Variants in BCL2 observed in about 807,000 individuals in gnomAD.
BCL2 encodes apoptosis regulator Bcl-2.
Under a neutral mutation model 14.2 loss-of-function variants are expected in BCL2, and 1 was observed. The observed-to-expected ratio is 0.07, with a 90% confidence interval of 0.02 to 0.33. BCL2 has a LOEUF of 0.33. Ranked by LOEUF, BCL2 falls within the 10% of genes least tolerant of loss-of-function variation. The pLI, the probability that BCL2 is intolerant of heterozygous loss-of-function variation, is 0.99. For synonymous variants in BCL2, 151 were observed against 137.2 expected, an observed-to-expected ratio of 1.10 and a Z score of -0.70; for missense variants, 247 against 305.9, an observed-to-expected ratio of 0.81 and a Z score of 1.44.
At chr18:63,193,159 C>A (rs923674148) in intron 2 of BCL2, among the ~76,000 whole-genome samples, 2 of 152,144 alleles carry the variant, frequency 1.3e-5, no homozygotes, top group African/African-American at 2.4e-5. Flanking sequence ...ATGGAAGATG[C>A]CTGTTATGAA....
chr18:63,205,682 G>T (rs1174189667), intron 2 of BCL2, among the ~76,000 whole-genome samples: 1 of 152,144 alleles, frequency 6.6e-6, no homozygotes, highest in Non-Finnish European at 1.5e-5. Context: ...CATTTGACTA[G>T]AGGGGGTCTA....
rs1915131587 is a variant in BCL2 at position 63,169,280 on chromosome 18, CT to C, written c.586-40522del. On this transcript the variant is annotated intron_variant, in intron 2 of 2. Coordinates refer to ENST00000333681, the MANE Select transcript of BCL2 (RefSeq NM_000633.3). ...TCTTTCTTTCTTTCTTTCTTTCTTTCTTTCTTTCTTTCTTTCTTTCTTTCTT... is the reference window on the plus strand; with the variant it reads ...TCTTTCTTTCTTTCTTTCTTTCTTTCTTCTTTCTTTCTTTCTTTCTTTCTT... 1.6e-4 allele frequency among the ~76,000 whole-genome samples: 10 copies of C among 62,384 alleles called. No homozygotes were observed. In the South Asian group the frequency reaches 2.3e-3, roughly 14 times the overall value. 40.9% of individuals were successfully genotyped at this position (62,384 alleles called of 152,430 possible).
intron 2 of BCL2, among the ~76,000 whole-genome samples, chr18:63,184,320 T>C (rs970821820): frequency 2.6e-5 from 4 of 152,374 alleles, no homozygotes; most frequent in Admixed American, 6.5e-5. Flanking sequence ...AAAACTTCCC[T>C]GCAGAGAGAG....
chr18:63,285,478 A>C (rs771409549), intron 2 of BCL2, among the ~76,000 whole-genome samples: 6 of 152,206 alleles, frequency 3.9e-5, no homozygotes, highest in Non-Finnish European at 8.8e-5. Context: ...TTGGAGCTGT[A>C]GCTAGGTAAG....
intron 2 of BCL2, among the ~76,000 whole-genome samples, chr18:63,258,007 C>G (rs1203413037): frequency 6.6e-6 from 1 of 152,216 alleles, no homozygotes; most frequent in East Asian, 1.9e-4. Flanking sequence ...GAAACACGGT[C>G]TTTGTAAATG....
chr18:63,151,475 G>A (rs532031676), intron 2 of BCL2, among the ~76,000 whole-genome samples: 3 of 139,508 alleles, frequency 2.2e-5, no homozygotes, highest in South Asian at 2.5e-4. Context: ...AGGCAAGGGG[G>A]GCGATAATAG....
At chr18:63,308,903 T>C (rs1205695672) in intron 2 of BCL2, among the ~76,000 whole-genome samples, 1 of 152,210 alleles carries the variant, frequency 6.6e-6, no homozygotes, top group Non-Finnish European at 1.5e-5. Flanking sequence ...TTACCTACTA[T>C]GCTTGGTGCC....
intron 2 of BCL2, among the ~76,000 whole-genome samples, chr18:63,274,649 G>A (rs947106848): frequency 6.6e-6 from 1 of 152,034 alleles, no homozygotes; most frequent in African/African-American, 2.4e-5. Context: ...ATCAATTGGT[G>A]AACCCTTCCC....
intron 2 of BCL2, among the ~76,000 whole-genome samples, chr18:63,174,339 G>A (rs1238431652): frequency 1.3e-5 from 2 of 152,064 alleles, no homozygotes; most frequent in African/African-American, 4.8e-5. Flanking sequence ...AGTACGCATG[G>A]ACGGGTGGAT....
intron 2 of BCL2, among the ~76,000 whole-genome samples, chr18:63,245,541 T>A (rs1014679152): frequency 2.6e-5 from 4 of 152,178 alleles, no homozygotes; most frequent in African/African-American, 9.7e-5. Context: ...TTGGTAGGGA[T>A]GGAATAACCC....
intron 2 of BCL2, chr18:63,316,049 A>T (rs902889887): frequency 6.6e-6 from 1 of 152,608 alleles, no homozygotes; most frequent in African/African-American, 2.4e-5. Context: ...TGGCATCATA[A>T]AATGTAGCCT....
At chr18:63,159,174 A>G (rs1235290579) in intron 2 of BCL2, among the ~76,000 whole-genome samples, 1 of 152,252 alleles carries the variant, frequency 6.6e-6, no homozygotes, top group Non-Finnish European at 1.5e-5. Context: ...TGAGATGATG[A>G]CAAAAAGACT....
chr18:63,260,460 C>T (rs1911622443), intron 2 of BCL2, among the ~76,000 whole-genome samples: 1 of 152,200 alleles, frequency 6.6e-6, no homozygotes, highest in Non-Finnish European at 1.5e-5. Flanking sequence ...GTCCATAGAA[C>T]TTTCCCTGAC....
chr18:63,247,025 CA>C (rs1911169406), intron 2 of BCL2, among the ~76,000 whole-genome samples: 1 of 152,170 alleles, frequency 6.6e-6, no homozygotes, highest in Non-Finnish European at 1.5e-5. Context: ...TCAACACTAG[CA>C]GCTGAGCTCA....
At chr18:63,171,944 G>C (rs1242048993) in intron 2 of BCL2, among the ~76,000 whole-genome samples, 1 of 152,186 alleles carries the variant, frequency 6.6e-6, no homozygotes, top group Non-Finnish European at 1.5e-5. Flanking sequence ...TCACACCACT[G>C]CACTCCAGCC....
intron 2 of BCL2, among the ~76,000 whole-genome samples, chr18:63,192,008 T>C (rs899966): frequency 0.61 from 92,223 of 152,148 alleles, 29,299 homozygotes; most frequent in Non-Finnish European, 0.72. Flanking sequence ...CTCATTGAAC[T>C]ACTATGTGCA....
chr18:63,262,699 G>T (rs1568251095), intron 2 of BCL2, among the ~76,000 whole-genome samples: 4 of 152,140 alleles, frequency 2.6e-5, no homozygotes. Flanking sequence ...GTCCCACGGG[G>T]TAAGCAAATA....
At chr18:63,158,452 G>C (rs1914839254) in intron 2 of BCL2, among the ~76,000 whole-genome samples, 1 of 152,084 alleles carries the variant, frequency 6.6e-6, no homozygotes, top group East Asian at 1.9e-4. Context: ...CCAGCCATCA[G>C]TTGCTCTGGA....
chr18:63,196,466 C>T (rs747456941), intron 2 of BCL2, among the ~76,000 whole-genome samples: 3 of 152,026 alleles, frequency 2.0e-5, no homozygotes, highest in African/African-American at 7.2e-5. Context: ...TTACTAAAAC[C>T]TTCTTCTCGA....
Sources: gnomAD v4.1 joint callset for allele counts (sites outside exome capture counted in the v4.1 genomes callset) on GRCh38, gnomAD v4.1.1 for gene constraint, MANE v1.5 for transcripts, NCBI Gene and HGNC (gene_info 2026-07-23, HGNC 2026-07-21) for gene names.